The following GRK4 variants were observed in gnomAD, a reference collection of about 807,000 sequenced individuals.
GRK4 encodes G protein-coupled receptor kinase 4, also known as G protein-coupled receptor kinase 2-like.
A neutral mutation model predicts 77.9 loss-of-function variants in GRK4; 73 were observed. That is an observed-to-expected ratio of 0.94 (90% CI 0.78 to 1.14). The LOEUF (loss-of-function observed/expected upper bound fraction) is 1.14. GRK4 is among the 50% of genes most tolerant of loss of function. The pLI, the probability that GRK4 is intolerant of heterozygous loss-of-function variation, is 0.00. For missense variants in GRK4, 729 were observed against 700.2 expected, an observed-to-expected ratio of 1.04 and a Z score of -0.46; for synonymous variants, 257 against 254.4, an observed-to-expected ratio of 1.01 and a Z score of -0.10.
rs764884675 is a variant in GRK4, at chr4:3,013,743, A to C, written c.656A>C (p.Gln219Pro). The change falls in exon 8 of 16, where the codon CAA becomes CCA. Residue 219 changes from glutamine to proline, a missense_variant. Physicochemically the swap from Gln to Pro is moderately conservative, Grantham distance 76. Transcript: ENST00000398052. ...TGKMYACKKL[Q>P]KKRIKKRKGE... ...AAAATGTATGCCTGCAAAAAGCTACAAAAAAAAAGAATAAAGAAGAGGAAA... is the reference window on the plus strand; with the variant it reads ...AAAATGTATGCCTGCAAAAAGCTACCAAAAAAAAGAATAAAGAAGAGGAAA... 5.0e-6 allele frequency: 8 copies of C among 1,588,948 alleles called. No individual in the cohort carries two copies. The African/African-American group carries it at 9.5e-5, about 19-fold the overall frequency.
At position 3,017,814 on chromosome 4, in the gene GRK4, C is replaced by T. The variant is rs543837627; in HGVS notation, c.742-1827C>T. 6.6e-5 allele frequency among the ~76,000 whole-genome samples: 10 copies of T among 152,292 alleles called. No homozygotes were observed. The South Asian group carries it at 1.2e-3, about 19-fold the overall frequency. On this transcript the variant is annotated intron_variant, in intron 8 of 15. Transcript: ENST00000398052. ...TAATGCCCAGTCATGCTTAAAAACT[C>T]GAAGCAAACCAGGTACAGAAAGGAA... is the stretch of plus-strand genomic sequence containing the variant.
chr4:3,022,317 C>T (rs2471325), intron 9 of GRK4, 97 bp from the exon 10 acceptor site: 356,253 of 1,187,636 alleles, frequency 0.3, 56,031 homozygotes, highest in Non-Finnish European at 0.32. Flanking sequence ...TGTTTTGCCG[C>T]GCTAGCCCTT....
Position 3,019,621 on chromosome 4 carries a change from T to TA in GRK4, c.742-19dup. The TA allele has an allele frequency of 6.3e-7, 1 of 1,580,438 alleles. No homozygotes were observed. Among genetic ancestry groups the TA allele is most frequent in the South Asian group, 1.1e-5 (1 of 87,236 alleles). ...AAAGAGCAAGTTCGTGTTCTGTTTTTATGATGTTGCTGTCTTTAGGTTAGT... is the reference window on the plus strand; with the variant it reads ...AAAGAGCAAGTTCGTGTTCTGTTTTTAATGATGTTGCTGTCTTTAGGTTAGT... On this transcript the variant is annotated intron_variant, in intron 8 of 15. Coordinates refer to ENST00000398052, the MANE Select transcript of GRK4 (RefSeq NM_182982.3).
intron 4 of GRK4, among the ~76,000 whole-genome samples, chr4:2,997,906 T>TA (rs1553884591): frequency 2.2e-5 from 2 of 92,884 alleles, no homozygotes; most frequent in African/African-American, 1.1e-4. Flanking sequence ...AGACTCCATC[T>TA]CCAAAAAAAA....
intron 4 of GRK4, among the ~76,000 whole-genome samples, chr4:2,992,939 A>G (rs1726710837): frequency 6.6e-6 from 1 of 152,200 alleles, no homozygotes. Flanking sequence ...AGCTGGGATC[A>G]TACTGCTATG....
intron 1 of GRK4, among the ~76,000 whole-genome samples, chr4:2,971,513 G>T (rs1422061841): frequency 1.3e-5 from 2 of 152,200 alleles, no homozygotes; most frequent in Non-Finnish European, 2.9e-5. Flanking sequence ...AATGAACACG[G>T]TAGGTATGCC....
At chr4:3,001,114 TGTATATATGTGTATGTGTATATATATAG>T (rs1324093125) in intron 4 of GRK4, among the ~76,000 whole-genome samples, 5 of 144,174 alleles carry the variant, frequency 3.5e-5, no homozygotes, top group African/African-American at 1.3e-4. Context: ...TGTATATATA[TGTATATATGTGTATGTGTATATATATAG>T]GTATATATGT....
rs143957854 is a variant in GRK4 at position 2,980,043 on chromosome 4, C to G, written c.53-4470C>G. ...TTATCTCAGACATGTAAGCAAGAAC[C>G]CTTCTTTGTGCCTTCCCAGCTCCAA... On this transcript the variant is annotated intron_variant, in intron 1 of 15. Coordinates refer to ENST00000398052, the MANE Select transcript of GRK4 (RefSeq NM_182982.3). 5.1e-3 allele frequency among the ~76,000 whole-genome samples: 773 copies of G among 152,252 alleles called. 4 individuals carry two copies. Among genetic ancestry groups the G allele is most frequent in the Non-Finnish European group, 8.0e-3 (546 of 68,022 alleles).
intron 10 of GRK4, 88 bp downstream of exon 10, chr4:3,022,539 T>C (rs1385635827): frequency 3.3e-5 from 38 of 1,141,170 alleles, no homozygotes; most frequent in Non-Finnish European, 4.5e-5. Context: ...GTGGACTTAA[T>C]GATTAGGAGA....
chr4:3,028,775 CTT>C (rs35200515), intron 11 of GRK4, among the ~76,000 whole-genome samples: 2 of 147,388 alleles, frequency 1.4e-5, no homozygotes, highest in Admixed American at 6.8e-5. Flanking sequence ...AATTTCACAA[CTT>C]TTTTTTTTTT....
At chr4:3,028,221 G>A (rs1478485896) in intron 11 of GRK4, among the ~76,000 whole-genome samples, 2 of 152,168 alleles carry the variant, frequency 1.3e-5, no homozygotes, top group African/African-American at 2.4e-5. Context: ...AGGCCTGAGA[G>A]GTTGTGAGTC....
intron 13 of GRK4, among the ~76,000 whole-genome samples, chr4:3,036,483 G>C (rs781575936): frequency 6.6e-6 from 1 of 152,254 alleles, no homozygotes; most frequent in Non-Finnish European, 1.5e-5. Context: ...ACAAGTCCTG[G>C]GTGAAAAGTT....
At chr4:3,022,338 G>T in intron 9 of GRK4, 76 bp from the exon 10 acceptor site, 1 of 1,449,398 alleles carries the variant, frequency 6.9e-7, no homozygotes, top group Non-Finnish European at 9.6e-7. Context: ...GCTCACGCTG[G>T]TTGTTCCTAC....
chr4:2,965,912 A>G (rs1717510388), intron 1 of GRK4: 1 of 186,306 alleles, frequency 5.4e-6, no homozygotes, highest in Admixed American at 5.3e-5. Context: ...AATCATCCTT[A>G]GTGGAAGTCA....
chr4:3,026,465 C>A (rs1737598083), intron 10 of GRK4, among the ~76,000 whole-genome samples: 1 of 152,222 alleles, frequency 6.6e-6, no homozygotes, highest in African/African-American at 2.4e-5. Context: ...CACGGTGGCT[C>A]ACGCCTGTAA....
At chr4:2,986,832 A>G (rs1724530930) in intron 2 of GRK4, 2 of 351,080 alleles carry the variant, frequency 5.7e-6, no homozygotes, top group Non-Finnish European at 1.1e-5. Flanking sequence ...TTTTAAAGAA[A>G]GATGATGAAG....
At chr4:3,025,684 C>A (rs1415720310) in intron 10 of GRK4, among the ~76,000 whole-genome samples, 2 of 152,006 alleles carry the variant, frequency 1.3e-5, no homozygotes, top group Non-Finnish European at 2.9e-5. Context: ...GAGCACCGCG[C>A]CCGGCCAGCA....
chr4:2,974,144 G>A (rs1037121008), intron 1 of GRK4, among the ~76,000 whole-genome samples: 1 of 152,030 alleles, frequency 6.6e-6, no homozygotes, highest in Non-Finnish European at 1.5e-5. Context: ...ACCACACCCG[G>A]CTCTCATTTA....
chr4:3,000,265 A>G (rs1021191970), intron 4 of GRK4, among the ~76,000 whole-genome samples: 20 of 152,254 alleles, frequency 1.3e-4, no homozygotes, highest in African/African-American at 4.3e-4. Flanking sequence ...TATTAGAAAC[A>G]CTGCTTTTCC....
Sources: gnomAD v4.1 joint callset for allele counts (sites outside exome capture counted in the v4.1 genomes callset) on GRCh38, gnomAD v4.1.1 for gene constraint, MANE v1.5 for transcripts, NCBI Gene and HGNC (gene_info 2026-07-23, HGNC 2026-07-21) for gene names.